Variants in CHRND observed in about 807,000 individuals in gnomAD.
CHRND encodes acetylcholine receptor subunit delta.
In CHRND, 40 loss-of-function variants were observed where a neutral mutation model predicts 57.8. That is an observed-to-expected ratio of 0.69 (90% confidence interval 0.54 to 0.90). CHRND has a LOEUF of 0.90. Ranked by LOEUF, CHRND falls within the 40% of genes least tolerant of loss-of-function variation. The pLI, the probability that CHRND is intolerant of heterozygous loss-of-function variation, is 0.00. For missense variants in CHRND, 634 were observed against 673.9 expected (o/e 0.94, Z 0.66); for synonymous variants, 237 against 270.6 (o/e 0.88, Z 1.22).
At chr2:232,530,176 C>T (rs2106210292) in intron 7 of CHRND, 37 bp downstream of exon 7, 3 of 1,598,584 alleles carry the variant, frequency 1.9e-6, no homozygotes, top group African/African-American at 1.3e-5. Context: ...TCCCCCTCCC[C>T]AAGCCCACCT....
At position 232,528,547 on chromosome 2, in the gene CHRND, T is replaced by C; in HGVS notation, c.400T>C (p.Tyr134His). Reference protein sequence around the residue: ...QISYSCNVLVYHYGFVYWLPP... With the variant: ...QISYSCNVLVHHYGFVYWLPP... ...CTCCTACTCCTGCAACGTGCTTGTC[T>C]ACCACTACGGCTTCGTGTACTGGCT... The change falls in exon 5 of 12, where the codon TAC becomes CAC. Residue 134 changes from tyrosine to histidine, a missense_variant. Tyr to His is a moderately conservative substitution (Grantham distance 83). Coordinates refer to ENST00000258385, the MANE Select transcript of CHRND (RefSeq NM_000751.3). 1 of 1,614,180 alleles carries C rather than the reference T, an allele frequency of 6.2e-7. No individual in the cohort carries two copies. The highest frequency in any genetic ancestry group is 8.5e-7 in the Non-Finnish European group (1 of 1,180,040).
At chr2:232,527,310 AAGAG>A (rs1553573947) in intron 2 of CHRND, 87 bp from the exon 3 acceptor site, 19,698 of 912,636 alleles carry the variant, frequency 0.022, 194 homozygotes, top group Middle Eastern at 0.04. Flanking sequence ...TGGAAAAAAA[AAGAG>A]AGAGAGAGAG....
Position 232,526,172 on chromosome 2 carries a change from T to G in CHRND, c.-44T>G. 3.4e-6 allele frequency: 4 copies of G among 1,182,940 alleles called. No homozygotes were observed. The highest frequency in any genetic ancestry group is 4.9e-6 in the Non-Finnish European group (4 of 809,738). The allele number at this position is 1,182,940 out of a possible 1,614,324, so 73.3% of individuals were successfully genotyped here. ...CCCGCCCACCCTCATTCCACAGCCC[T>G]GTAGACAGGAGGGGCAGATGCACGT... is the stretch of plus-strand genomic sequence containing the variant. On this transcript the variant is annotated 5_prime_UTR_variant, in exon 1 of 12. Coordinates refer to ENST00000258385, the MANE Select transcript of CHRND (RefSeq NM_000751.3).
At chr2:232,531,744 T>C in intron 9 of CHRND, 88 bp downstream of exon 9, 2 of 1,132,990 alleles carry the variant, frequency 1.8e-6, no homozygotes, top group Non-Finnish European at 2.6e-6. Context: ...AGCCCAGGAG[T>C]TGGAGACCAG....
At chr2:232,530,998 A>G (rs951410796) in intron 7 of CHRND, among the ~76,000 whole-genome samples, 1 of 152,186 alleles carries the variant, frequency 6.6e-6, no homozygotes, top group Non-Finnish European at 1.5e-5. Flanking sequence ...TCTGTGCTCC[A>G]GGAGGGTTCA....
chr2:232,531,446 C>T lies in CHRND; in HGVS notation c.915C>T (p.Ala305=), dbSNP rs201370782. Residue 305 remains alanine (A), a synonymous_variant, in exon 8 of 12, where the codon GCC becomes GCT. Coordinates refer to ENST00000258385, the MANE Select transcript of CHRND (RefSeq NM_000751.3). ...AGCGTCTGCCTGCCACATCCATGGC[C>T]ATCCCCCTTATCGGCAAGTGAGTGA... ...ISKRLPATSM[A]IPLIGKFLLF... The T allele has an allele frequency of 6.2e-7, 1 of 1,613,952 alleles. No individual in the cohort carries two copies. The highest frequency in any genetic ancestry group is 2.2e-5 in the East Asian group (1 of 44,876).
chr2:232,535,192 G>A lies in CHRND; in HGVS notation c.1434G>A (p.Thr478=), dbSNP rs554876874. 35 of 1,614,164 alleles carry A rather than the reference G, an allele frequency of 2.2e-5. No individual in the cohort carries two copies. The highest frequency in any genetic ancestry group is 1.0e-4 in the Admixed American group (6 of 60,032). ...ACCGCCTCTGCCTGTTTGTGGTGAC[G>A]CCTGTCATGGTGGTGGGCACAGCCT... ...TVDRLCLFVV[T]PVMVVGTAWI... Residue 478 remains threonine (T), a synonymous_variant, in exon 12 of 12, where the codon ACG becomes ACA. Transcript: ENST00000258385.
At position 232,536,193 on chromosome 2, in the gene CHRND, A is replaced by G. The variant is rs1022778653; in HGVS notation, c.*881A>G. On this transcript the variant is annotated 3_prime_UTR_variant, in exon 12 of 12. Coordinates refer to ENST00000258385, the MANE Select transcript of CHRND (RefSeq NM_000751.3). ...AATTGGGAGACAAGGGTCTGTTTGTATGGTGGTCCACCTCCAAGATGGCCC... is the reference window on the plus strand; with the variant it reads ...AATTGGGAGACAAGGGTCTGTTTGTGTGGTGGTCCACCTCCAAGATGGCCC... 8 of 454,004 alleles carry G rather than the reference A, an allele frequency of 1.8e-5. No homozygotes were observed. Among genetic ancestry groups the G allele is most frequent in the African/African-American group, 8.0e-5 (4 of 50,000 alleles). The allele number at this position is 454,004 out of a possible 1,614,324, so 28.1% of individuals were successfully genotyped here. A position where few individuals can be genotyped will look rare whatever the true frequency, so the allele number is the denominator to read the frequency against.
chr2:232,531,451 C>A lies in CHRND; in HGVS notation c.920C>A (p.Pro307His). Residue 307 changes from proline to histidine, a missense_variant, in exon 8 of 12, where the codon CCC becomes CAC. By Grantham distance (77) the Pro-to-His change is moderately conservative. Coordinates refer to ENST00000258385, the MANE Select transcript of CHRND (RefSeq NM_000751.3). ...KRLPATSMAIPLIGKFLLFGM... is the reference protein window; with the variant it reads ...KRLPATSMAIHLIGKFLLFGM... ...CTGCCTGCCACATCCATGGCCATCC[C>A]CCTTATCGGCAAGTGAGTGACGCTC... is the stretch of plus-strand genomic sequence containing the variant. The A allele has an allele frequency of 6.2e-7, 1 of 1,613,994 alleles. No individual in the cohort carries two copies. Among genetic ancestry groups the A allele is most frequent in the South Asian group, 1.1e-5 (1 of 91,074 alleles).
At position 232,528,258 on chromosome 2, in the gene CHRND, C is replaced by A; in HGVS notation, c.244-4C>A. 1 of 1,613,994 alleles carries A rather than the reference C, an allele frequency of 6.2e-7. No homozygotes were observed. The highest frequency in any genetic ancestry group is 1.1e-5 in the South Asian group (1 of 91,070). ...GCACTGGTGACATGCCTTTGGGATT[C>A]CAGGGCTGGACAGACAACCGGCTGA... On this transcript the variant is annotated splice_region_variant and splice_polypyrimidine_tract_variant and intron_variant, in intron 3 of 11. Transcript: ENST00000258385.
chr2:232,530,706 G>A (rs1691656704), intron 7 of CHRND, among the ~76,000 whole-genome samples: 1 of 152,208 alleles, frequency 6.6e-6, no homozygotes, highest in Admixed American at 6.5e-5. Context: ...GGTTGGGAGG[G>A]CTTCTAGAGG....
chr2:232,535,265 C>G lies in CHRND; in HGVS notation c.1507C>G (p.Pro503Ala), dbSNP rs1384091682. The G allele has an allele frequency of 1.2e-6, 2 of 1,614,014 alleles. No individual in the cohort carries two copies. The highest frequency in any genetic ancestry group is 1.7e-6 in the Non-Finnish European group (2 of 1,180,042). ...CAACCAGCCACCACCCCAGCCTTTT[C>G]CTGGGGACCCCTACTCCTACAACGT... is the stretch of plus-strand genomic sequence containing the variant. ...VYNQPPPQPF[P>A]GDPYSYNVQD... Residue 503 changes from proline (P) to alanine (A), a missense_variant, in exon 12 of 12, where the codon CCT (proline) becomes GCT (alanine). Transcript: ENST00000258385.
rs1240062383 is a variant in CHRND at position 232,526,166 on chromosome 2, C to T, written c.-50C>T. 1.9e-6 allele frequency: 3 copies of T among 1,557,428 alleles called. No individual in the cohort carries two copies. The highest frequency in any genetic ancestry group is 2.7e-6 in the Non-Finnish European group (3 of 1,129,166). ...CCCTCTCCCGCCCACCCTCATTCCA[C>T]AGCCCTGTAGACAGGAGGGGCAGAT... On this transcript the variant is annotated 5_prime_UTR_variant, in exon 1 of 12. Coordinates refer to ENST00000258385, the MANE Select transcript of CHRND (RefSeq NM_000751.3).
chr2:232,535,195 T>C lies in CHRND; in HGVS notation c.1437T>C (p.Pro479=). 3.7e-6 allele frequency: 6 copies of C among 1,614,220 alleles called. No homozygotes were observed. Among genetic ancestry groups the C allele is most frequent in the Non-Finnish European group, 5.1e-6 (6 of 1,180,030 alleles). The change falls in exon 12 of 12, where the codon CCT becomes CCC. Residue 479 remains proline (P), a synonymous_variant. Transcript: ENST00000258385. ...VDRLCLFVVT[P]VMVVGTAWIF... The stretch of plus-strand genomic sequence containing the variant: ...GCCTCTGCCTGTTTGTGGTGACGCC[T>C]GTCATGGTGGTGGGCACAGCCTGGA...
Position 232,528,327 on chromosome 2 carries a change from C to T in CHRND, c.309C>T (p.Leu103=). Residue 103 remains leucine (L), a synonymous_variant, in exon 4 of 12, where the codon CTC becomes CTT. Transcript: ENST00000258385. ...TTGGAAACATCAGTGTCCTGCGCCTCCCCCCGGACATGGTGTGGCTCCCAG... is the reference window on the plus strand; with the variant it reads ...TTGGAAACATCAGTGTCCTGCGCCTTCCCCCGGACATGGTGTGGCTCCCAG... ...EEFGNISVLR[L]PPDMVWLPEI... is the part of the protein sequence containing the mutation. 3.1e-6 allele frequency: 5 copies of T among 1,614,034 alleles called. No homozygotes were observed. The South Asian group carries it at 4.4e-5, about 14-fold the overall frequency.
intron 2 of CHRND, 91 bp from the exon 3 acceptor site, chr2:232,527,310 A>AGAG (rs1553573948): frequency 5.5e-6 from 5 of 914,236 alleles, no homozygotes; most frequent in African/African-American, 1.7e-5. Flanking sequence ...TGGAAAAAAA[A>AGAG]AGAGAGAGAG....
rs772321485 is a variant in CHRND, at chr2:232,534,222, AGGCCGGCCCCC to A, written c.1253-1_1262del. 1 of 1,614,042 alleles carries A rather than the reference AGGCCGGCCCCC, an allele frequency of 6.2e-7. No individual in the cohort carries two copies. Among genetic ancestry groups the A allele is most frequent in the Non-Finnish European group, 8.5e-7 (1 of 1,180,028 alleles). ...ACACCCACTCTGGCCCCTCGTCTGTAGGCCGGCCCCCAGCAAGCTCTGAGCAGGCCCAGCAG... is the reference window on the plus strand; with the variant it reads ...ACACCCACTCTGGCCCCTCGTCTGTAAGCAAGCTCTGAGCAGGCCCAGCAG... On this transcript the variant is annotated splice_acceptor_variant and coding_sequence_variant, in exon 11 of 12. Transcript: ENST00000258385. LOFTEE classifies it high-confidence loss of function.
rs1247207767 is a variant in CHRND, at chr2:232,528,970, A to C, written c.618A>C (p.Thr206=). 6.2e-7 allele frequency: 1 copy of C among 1,613,056 alleles called. No homozygotes were observed. The highest frequency in any genetic ancestry group is 8.5e-7 in the Non-Finnish European group (1 of 1,179,156). ...EWIIIDPEGF[T]ENGEWEIVHR... ...TCATCATTGATCCTGAAGGCTTCACAGGTGCTGGGAACAGCCGCCAGTGGG... is the reference window on the plus strand; with the variant it reads ...TCATCATTGATCCTGAAGGCTTCACCGGTGCTGGGAACAGCCGCCAGTGGG... Residue 206 remains threonine (T), a splice_region_variant and synonymous_variant, in exon 6 of 12, where the codon ACA becomes ACC. Coordinates refer to ENST00000258385, the MANE Select transcript of CHRND (RefSeq NM_000751.3).
chr2:232,531,964 A>G (rs1274280694), intron 9 of CHRND, among the ~76,000 whole-genome samples: 3 of 149,758 alleles, frequency 2.0e-5, no homozygotes, highest in Admixed American at 6.6e-5. Context: ...AAAAAAAAAA[A>G]AAAAAAAAAA....
Sources: gnomAD v4.1 joint callset for allele counts (sites outside exome capture counted in the v4.1 genomes callset) on GRCh38, gnomAD v4.1.1 for gene constraint, MANE v1.5 for transcripts, NCBI Gene and HGNC (gene_info 2026-07-23, HGNC 2026-07-21) for gene names.